The following KHDRBS2 variants were observed in gnomAD, a reference collection of about 807,000 sequenced individuals.
The protein encoded by KHDRBS2 is KH domain-containing, RNA-binding, signal transduction-associated protein 2.
Under a neutral mutation model 44.3 loss-of-function variants are expected in KHDRBS2, and 26 were observed. That is an observed-to-expected ratio of 0.59 (90% CI 0.43 to 0.81). The LOEUF is 0.81. Among genes scored for constraint, KHDRBS2 ranks in the 40% least tolerant of loss-of-function variants. The probability of loss-of-function intolerance (pLI) is 0.00; values close to 1 mark genes in which losing one functional copy is unlikely to be tolerated. For missense variants in KHDRBS2, 476 were observed against 433.1 expected (o/e 1.10, Z -0.88); for synonymous variants, 194 against 151.1 (o/e 1.28, Z -2.08).
At chr6:61,770,783 C>T (rs994974425) in intron 6 of KHDRBS2, among the ~76,000 whole-genome samples, 1 of 152,194 alleles carries the variant, frequency 6.6e-6, no homozygotes, top group Non-Finnish European at 1.5e-5. Context: ...TCCAGGAGAA[C>T]TTCCCCAATC....
At chr6:61,800,958 G>A (rs1435473884) in intron 6 of KHDRBS2, among the ~76,000 whole-genome samples, 2 of 152,008 alleles carry the variant, frequency 1.3e-5, no homozygotes, top group South Asian at 2.1e-4. Context: ...TAGCCCAGTC[G>A]CCTGCCTGGC....
At chr6:62,152,295 G>A (rs764982234) in intron 2 of KHDRBS2, among the ~76,000 whole-genome samples, 2 of 152,002 alleles carry the variant, frequency 1.3e-5, no homozygotes, top group Non-Finnish European at 2.9e-5. Flanking sequence ...CTCCAGCCTG[G>A]GCAACAAGAG....
the KHDRBS2 span, among the ~76,000 whole-genome samples, chr6:61,589,016 G>A: frequency 2.6e-5 from 4 of 151,988 alleles, no homozygotes; most frequent in African/African-American, 9.7e-5. Flanking sequence ...GTTGAACAAT[G>A]AGAACACATG....
intron 2 of KHDRBS2, among the ~76,000 whole-genome samples, chr6:62,072,225 C>A (rs1202947564): frequency 1.3e-5 from 2 of 152,152 alleles, no homozygotes; most frequent in South Asian, 2.1e-4. Context: ...TGCTTATCAG[C>A]TTAAGGAGAT....
In KHDRBS2 at chr6:62,117,685, C is replaced by A. The variant is rs1806597409; in HGVS notation, c.219+59500G>T. On this transcript the variant is annotated intron_variant, in intron 2 of 8. Coordinates refer to ENST00000281156, the MANE Select transcript of KHDRBS2 (RefSeq NM_152688.4). ...TAAACCCAAAATGTGCTTTCCCAGA[C>A]CAATGTCCTGAGGTGTTTTTCCAAT... Among the ~76,000 whole-genome samples, 2 of 152,122 alleles carry A rather than the reference C, an allele frequency of 1.3e-5. 1 individual carries two copies. The highest frequency in any genetic ancestry group is 4.1e-4 in the South Asian group (2 of 4,830).
intron 6 of KHDRBS2, among the ~76,000 whole-genome samples, chr6:61,814,770 A>T (rs1385382484): frequency 6.6e-6 from 1 of 151,998 alleles, no homozygotes; most frequent in Non-Finnish European, 1.5e-5. Context: ...TCTGCTGGGG[A>T]TATGATCCAA....
chr6:62,247,623 T>C (rs1189920639), intron 1 of KHDRBS2, among the ~76,000 whole-genome samples: 1 of 151,992 alleles, frequency 6.6e-6, no homozygotes, highest in Non-Finnish European at 1.5e-5. Context: ...TTACTCACTG[T>C]GTTGTCTTAG....
At chr6:62,055,080 T>C (rs922489712) in intron 2 of KHDRBS2, among the ~76,000 whole-genome samples, 2 of 151,962 alleles carry the variant, frequency 1.3e-5, no homozygotes, top group African/African-American at 4.8e-5. Flanking sequence ...TTTAAAATGA[T>C]GAAAATACAA....
chr6:61,588,662 C>T, the KHDRBS2 span, among the ~76,000 whole-genome samples: 1 of 152,072 alleles, frequency 6.6e-6, no homozygotes, highest in Non-Finnish European at 1.5e-5. Flanking sequence ...CATGGTGGCA[C>T]ATGCCTGCAG....
At chr6:62,242,485 T>G (rs1429472730) in intron 1 of KHDRBS2, among the ~76,000 whole-genome samples, 4 of 152,082 alleles carry the variant, frequency 2.6e-5, no homozygotes, top group Non-Finnish European at 5.9e-5. Context: ...CTTCCCCTGT[T>G]GTGACAAGCA....
At chr6:62,029,345 A>G (rs956583347) in intron 3 of KHDRBS2, among the ~76,000 whole-genome samples, 3 of 151,916 alleles carry the variant, frequency 2.0e-5, no homozygotes, top group African/African-American at 7.2e-5. Context: ...TGAATTATGT[A>G]TAGTTGAACA....
chr6:61,666,701 C>G, the KHDRBS2 span, among the ~76,000 whole-genome samples: 1 of 151,206 alleles, frequency 6.6e-6, no homozygotes, highest in Non-Finnish European at 1.5e-5. Flanking sequence ...AGCTTTTTTT[C>G]TTATTAAACA....
At chr6:61,633,693 A>G in the KHDRBS2 span, among the ~76,000 whole-genome samples, 1 of 152,090 alleles carries the variant, frequency 6.6e-6, no homozygotes, top group African/African-American at 2.4e-5. Flanking sequence ...AACACATAAT[A>G]GATGTATCCA....
chr6:61,943,201 T>C (rs906000627), intron 4 of KHDRBS2, among the ~76,000 whole-genome samples: 1 of 152,002 alleles, frequency 6.6e-6, no homozygotes, highest in South Asian at 2.1e-4. Flanking sequence ...TAATGAGAAA[T>C]AATCTTTCCC....
chr6:61,861,063 TG>T (rs1411407096), intron 6 of KHDRBS2, among the ~76,000 whole-genome samples: 14 of 152,114 alleles, frequency 9.2e-5, no homozygotes, highest in Non-Finnish European at 5.9e-5. Context: ...TTAATGAGGT[TG>T]TTTTTTTCTT....
intron 4 of KHDRBS2, among the ~76,000 whole-genome samples, chr6:61,959,698 C>T (rs1275414352): frequency 1.3e-5 from 2 of 152,006 alleles, no homozygotes; most frequent in African/African-American, 4.8e-5. Context: ...AAAATATGTA[C>T]TTATGGGTTA....
the KHDRBS2 span, among the ~76,000 whole-genome samples, chr6:61,558,592 C>T: frequency 6.6e-6 from 1 of 152,108 alleles, no homozygotes; most frequent in Non-Finnish European, 1.5e-5. Context: ...TTTGCTATAT[C>T]TCATAGGTTT....
At chr6:61,979,515 G>T (rs2127404138) in intron 3 of KHDRBS2, among the ~76,000 whole-genome samples, 1 of 152,174 alleles carries the variant, frequency 6.6e-6, no homozygotes, top group East Asian at 1.9e-4. Flanking sequence ...GATTAGAAAT[G>T]CTCATTGTTT....
At chr6:61,637,073 T>C in the KHDRBS2 span, among the ~76,000 whole-genome samples, 1 of 152,132 alleles carries the variant, frequency 6.6e-6, no homozygotes, top group African/African-American at 2.4e-5. Context: ...AGGGTACATG[T>C]GCACAATGTG....
Sources: gnomAD v4.1 joint callset for allele counts (sites outside exome capture counted in the v4.1 genomes callset) on GRCh38, gnomAD v4.1.1 for gene constraint, MANE v1.5 for transcripts, NCBI Gene and HGNC (gene_info 2026-07-23, HGNC 2026-07-21) for gene names.